The following SRRM3 variants were observed in gnomAD, a reference collection of about 807,000 sequenced individuals.
SRRM3 encodes serine/arginine repetitive matrix protein 3.
In SRRM3, 27 loss-of-function variants were observed where a neutral mutation model predicts 66.2. The ratio of observed to expected loss-of-function variants is 0.41; its 90% CI spans 0.30 to 0.56. SRRM3 has a LOEUF of 0.56. Among genes scored for constraint, SRRM3 ranks in the 20% least tolerant of loss-of-function variants. The pLI is 0.32. For missense variants in SRRM3, 918 were observed against 991.9 expected (o/e 0.93, Z 1.00); for synonymous variants, 391 against 414.9 (o/e 0.94, Z 0.70).
chr7:76,217,634 C>A (rs1160536357), intron 1 of SRRM3, among the ~76,000 whole-genome samples: 3 of 152,080 alleles, frequency 2.0e-5, no homozygotes, highest in Non-Finnish European at 4.4e-5. Flanking sequence ...AGTGGGGGAC[C>A]AACCTAATGT....
At position 76,248,170 on chromosome 7, in the gene SRRM3, C is replaced by T; in HGVS notation, c.234-18C>T. ...AATCTGGGAGACCAGCCCCTTCACC[C>T]TCTCTGTGCCCCTGCAGGTATTCGG... On this transcript the variant is annotated intron_variant, in intron 2 of 14. Coordinates refer to ENST00000611745, the MANE Select transcript of SRRM3 (RefSeq NM_001110199.3). 6.2e-7 allele frequency: 1 copy of T among 1,604,306 alleles called. No homozygotes were observed. Among genetic ancestry groups the T allele is most frequent in the Non-Finnish European group, 8.5e-7 (1 of 1,173,588 alleles).
At chr7:76,235,342 G>A (rs1554604750) in intron 2 of SRRM3, 43 bp downstream of exon 2, 5 of 1,423,582 alleles carry the variant, frequency 3.5e-6, no homozygotes, top group Non-Finnish European at 4.6e-6. Flanking sequence ...GAGATAGGCG[G>A]GGCGAGGGTG....
At chr7:76,217,863 G>T (rs968847391) in intron 1 of SRRM3, among the ~76,000 whole-genome samples, 1 of 152,166 alleles carries the variant, frequency 6.6e-6, no homozygotes, top group African/African-American at 2.4e-5. Context: ...CCACCTTGTG[G>T]TCAGGTGGTT....
chr7:76,228,495 C>A (rs1482518389), intron 1 of SRRM3, among the ~76,000 whole-genome samples: 1 of 151,934 alleles, frequency 6.6e-6, no homozygotes, highest in Non-Finnish European at 1.5e-5. Flanking sequence ...GAGGCCGAGG[C>A]GGGTGGATCA....
At chr7:76,225,668 G>T (rs1173616771) in intron 1 of SRRM3, among the ~76,000 whole-genome samples, 2 of 152,098 alleles carry the variant, frequency 1.3e-5, no homozygotes, top group African/African-American at 2.4e-5. Context: ...ATCACTTGAG[G>T]CCAAGAGTTT....
chr7:76,211,882 C>T (rs958492308), intron 1 of SRRM3, among the ~76,000 whole-genome samples: 5 of 149,272 alleles, frequency 3.3e-5, no homozygotes, highest in African/African-American at 9.8e-5. Flanking sequence ...CTCTCTTGTC[C>T]AGGCTGGAGT....
chr7:76,258,074 C>T (rs1305049969), intron 3 of SRRM3, among the ~76,000 whole-genome samples: 1 of 152,180 alleles, frequency 6.6e-6, no homozygotes, highest in Non-Finnish European at 1.5e-5. Flanking sequence ...GGAGCAGGGA[C>T]AGGAGGTGTC....
intron 1 of SRRM3, among the ~76,000 whole-genome samples, chr7:76,208,474 A>G (rs782349284): frequency 6.7e-5 from 10 of 149,788 alleles, no homozygotes; most frequent in East Asian, 2.0e-4. Context: ...TTGAAGACCA[A>G]TCTGGGCAAC....
intron 11 of SRRM3, among the ~76,000 whole-genome samples, chr7:76,278,991 G>A (rs990545551): frequency 1.2e-4 from 18 of 152,198 alleles, no homozygotes; most frequent in South Asian, 4.2e-4. Flanking sequence ...GGTGGCTCTC[G>A]CCTGTAATCC....
At chr7:76,203,319 T>A (rs1554600809) in intron 1 of SRRM3, among the ~76,000 whole-genome samples, 1 of 152,226 alleles carries the variant, frequency 6.6e-6, no homozygotes, top group Non-Finnish European at 1.5e-5. Context: ...TGGACTCTGA[T>A]GTCAGAAAGA....
chr7:76,284,833 C>T (rs2117126615), intron 14 of SRRM3, among the ~76,000 whole-genome samples: 1 of 152,306 alleles, frequency 6.6e-6, no homozygotes, highest in Middle Eastern at 3.4e-3. Flanking sequence ...TCTGGGCCAG[C>T]GGGAGGTAGC....
chr7:76,285,390 C>T lies in SRRM3; in HGVS notation c.1734-225C>T, dbSNP rs1230690105. On this transcript the variant is annotated intron_variant, in intron 14 of 14. Transcript: ENST00000611745. The surrounding 1 kb of genome is among the most constrained non-coding windows in gnomAD (Gnocchi z 4.1). ...CAACAAGTATTTATTAGCAGGTGTT[C>T]GGATCGGGCAGAGACATGGTCTCCT... 1.1e-5 allele frequency: 6 copies of T among 567,406 alleles called. No individual in the cohort carries two copies. The highest frequency in any genetic ancestry group is 3.8e-5 in the African/African-American group (2 of 53,048). The allele number at this position is 567,406 out of a possible 1,614,324, so 35.1% of individuals were successfully genotyped here.
chr7:76,230,543 G>A (rs782363663), intron 1 of SRRM3, among the ~76,000 whole-genome samples: 4 of 150,914 alleles, frequency 2.7e-5, no homozygotes, highest in Non-Finnish European at 4.4e-5. Flanking sequence ...TCATCTACTT[G>A]GAGGCTGAAT....
intron 1 of SRRM3, among the ~76,000 whole-genome samples, chr7:76,229,197 C>T (rs1554604045): frequency 1.3e-5 from 2 of 152,128 alleles, no homozygotes; most frequent in South Asian, 2.1e-4. Context: ...CGCGCCCAGC[C>T]GAGACTTTGA....
At chr7:76,276,811 C>G (rs1406084919) in intron 11 of SRRM3, among the ~76,000 whole-genome samples, 1 of 152,176 alleles carries the variant, frequency 6.6e-6, no homozygotes. Context: ...TTCCTCCCAT[C>G]CTCTGCCATC....
chr7:76,258,331 G>A (rs1369252008), intron 3 of SRRM3, among the ~76,000 whole-genome samples: 1 of 152,202 alleles, frequency 6.6e-6, no homozygotes, highest in African/African-American at 2.4e-5. Flanking sequence ...GGGGGCTCAG[G>A]GACTAGGACA....
At chr7:76,248,598 C>G (rs545506313) in intron 3 of SRRM3, among the ~76,000 whole-genome samples, 2 of 152,156 alleles carry the variant, frequency 1.3e-5, no homozygotes, top group African/African-American at 4.8e-5. Context: ...AGCTGCAAAT[C>G]GGAAGACCTC....
At position 76,285,515 on chromosome 7, in the gene SRRM3, G is replaced by A. The variant is rs1554612609; in HGVS notation, c.1734-100G>A. ...ATTTGGAGAAGGCAGGTGTCTCTAA[G>A]GCCAGGGCTCAGGGGAAACTGAGGC... is the stretch of plus-strand genomic sequence containing the variant. On this transcript the variant is annotated intron_variant, in intron 14 of 14. Transcript: ENST00000611745. This position sits in a 1 kb window ranked among gnomAD's most constrained non-coding sequence, Gnocchi z 4.1. The A allele has an allele frequency of 4.3e-6, 4 of 935,816 alleles. No individual in the cohort carries two copies. Among genetic ancestry groups the A allele is most frequent in the Non-Finnish European group, 6.4e-6 (4 of 621,576 alleles). 58.0% of individuals were successfully genotyped at this position (935,816 alleles called of 1,614,324 possible).
intron 2 of SRRM3, among the ~76,000 whole-genome samples, chr7:76,247,212 G>A (rs1209699400): frequency 1.3e-5 from 2 of 152,138 alleles, no homozygotes; most frequent in South Asian, 2.1e-4. Context: ...TCCCTAAACT[G>A]AGACTGGGCT....
Sources: gnomAD v4.1 joint callset for allele counts (sites outside exome capture counted in the v4.1 genomes callset) on GRCh38, gnomAD v4.1.1 for gene constraint, Gnocchi (gnomAD v3.1) non-coding constraint, MANE v1.5 for transcripts, NCBI Gene and HGNC (gene_info 2026-07-23, HGNC 2026-07-21) for gene names.